The following TMEM163 variants were observed in gnomAD, a reference collection of about 807,000 sequenced individuals.
TMEM163 encodes transmembrane protein 163.
In TMEM163, 17 loss-of-function variants were observed where a neutral mutation model predicts 29.3. That is an observed-to-expected ratio of 0.58 (90% CI 0.40 to 0.87). The LOEUF (loss-of-function observed/expected upper bound fraction) is 0.87, where lower values mean the gene tolerates loss of function less well. Ranked by LOEUF, TMEM163 falls within the 40% of genes least tolerant of loss-of-function variation. TMEM163 has a pLI of 0.00. For synonymous variants in TMEM163, 157 were observed against 160.6 expected (o/e 0.98, Z 0.17); for missense variants, 303 against 381.5 (o/e 0.79, Z 1.71).
At chr2:134,647,251 ACAT>A (rs1683354239) in intron 2 of TMEM163, among the ~76,000 whole-genome samples, 1 of 152,240 alleles carries the variant, frequency 6.6e-6, no homozygotes, top group Non-Finnish European at 1.5e-5. Context: ...CATTTAGTAA[ACAT>A]TAAAAAGAAA....
At chr2:134,581,182 C>T (rs747994788) in intron 2 of TMEM163, among the ~76,000 whole-genome samples, 19 of 152,268 alleles carry the variant, frequency 1.2e-4, no homozygotes, top group Admixed American at 3.9e-4. Flanking sequence ...ACATTTGCTT[C>T]CTGAGGCACC....
intron 5 of TMEM163, among the ~76,000 whole-genome samples, chr2:134,483,397 A>G (rs1189516147): frequency 6.6e-6 from 1 of 152,162 alleles, no homozygotes. Flanking sequence ...CAATGACAGA[A>G]GTAGGACCTC....
At chr2:134,671,318 G>A (rs965788154) in intron 2 of TMEM163, among the ~76,000 whole-genome samples, 1 of 152,102 alleles carries the variant, frequency 6.6e-6, no homozygotes, top group African/African-American at 2.4e-5. Flanking sequence ...CCTGCAGCAA[G>A]GAGACCCACC....
At chr2:134,560,901 CAAG>C (rs1681157355) in intron 2 of TMEM163, among the ~76,000 whole-genome samples, 1 of 152,178 alleles carries the variant, frequency 6.6e-6, no homozygotes, top group Non-Finnish European at 1.5e-5. Context: ...ACCTGGGTTT[CAAG>C]AAGCTCTCAG....
chr2:134,587,400 G>T (rs896495397), intron 2 of TMEM163, among the ~76,000 whole-genome samples: 17 of 152,096 alleles, frequency 1.1e-4, no homozygotes, highest in African/African-American at 4.1e-4. Flanking sequence ...GACAGAGCGG[G>T]ACTCTGTCAA....
intron 2 of TMEM163, among the ~76,000 whole-genome samples, chr2:134,620,428 T>C (rs1026039114): frequency 3.3e-5 from 5 of 152,100 alleles, no homozygotes; most frequent in African/African-American, 4.8e-5. Flanking sequence ...GCTAATTTTG[T>C]ATTTTTTTAG....
chr2:134,534,466 C>T (rs1680485835), intron 4 of TMEM163, among the ~76,000 whole-genome samples: 1 of 152,116 alleles, frequency 6.6e-6, no homozygotes, highest in Non-Finnish European at 1.5e-5. Context: ...TATAAATCAA[C>T]CTTGGCCAGG....
intron 6 of TMEM163, among the ~76,000 whole-genome samples, chr2:134,465,504 G>A (rs1234598917): frequency 6.6e-6 from 1 of 152,162 alleles, no homozygotes; most frequent in Non-Finnish European, 1.5e-5. Flanking sequence ...AGTGATATCA[G>A]CGAGTCTGGG....
chr2:134,539,392 G>A (rs774008563), intron 4 of TMEM163, among the ~76,000 whole-genome samples: 3 of 152,210 alleles, frequency 2.0e-5, no homozygotes, highest in Non-Finnish European at 4.4e-5. Flanking sequence ...TCCTTCATAA[G>A]GGAGGTAAAC....
intron 2 of TMEM163, among the ~76,000 whole-genome samples, chr2:134,684,800 G>A (rs1684319263): frequency 6.6e-6 from 1 of 151,922 alleles, no homozygotes; most frequent in Admixed American, 6.6e-5. Flanking sequence ...GTGGGCACCT[G>A]TAGTCCCAGC....
intron 2 of TMEM163, among the ~76,000 whole-genome samples, chr2:134,668,470 T>C (rs757340367): frequency 2.6e-5 from 4 of 152,142 alleles, no homozygotes; most frequent in Non-Finnish European, 5.9e-5. Context: ...TCCTCACTTT[T>C]AGGGGTCTTT....
chr2:134,703,935 T>C (rs766564405), intron 2 of TMEM163, among the ~76,000 whole-genome samples: 2 of 152,206 alleles, frequency 1.3e-5, no homozygotes, highest in African/African-American at 2.4e-5. Flanking sequence ...TCCTTTTTTA[T>C]TTTCTACTCA....
At chr2:134,666,174 A>C (rs1017716892) in intron 2 of TMEM163, among the ~76,000 whole-genome samples, 1 of 151,908 alleles carries the variant, frequency 6.6e-6, no homozygotes, top group Non-Finnish European at 1.5e-5. Flanking sequence ...AATCCCACCC[A>C]CCACCACCTT....
intron 2 of TMEM163, among the ~76,000 whole-genome samples, chr2:134,625,929 A>C (rs78976880): frequency 0.043 from 6,498 of 152,106 alleles, 472 homozygotes; most frequent in African/African-American, 0.14. Flanking sequence ...CAGGTTTCCC[A>C]TTGCTGCTAT....
chr2:134,543,126 C>T (rs2106504246), intron 4 of TMEM163, among the ~76,000 whole-genome samples: 1 of 152,268 alleles, frequency 6.6e-6, no homozygotes, highest in East Asian at 1.9e-4. Context: ...TAGCCCATAA[C>T]AGGAACCAAG....
chr2:134,594,515 TGTCACTGTGCCCTCTCACACACACA>T (rs1203234049), intron 2 of TMEM163, among the ~76,000 whole-genome samples: 1 of 152,184 alleles, frequency 6.6e-6, no homozygotes, highest in Non-Finnish European at 1.5e-5. Flanking sequence ...ATATGCTGCC[TGTCACTGTGCCCTCTCACACACACA>T]GCGGGATAAA....
At chr2:134,486,233 G>T (rs1278372997) in intron 5 of TMEM163, among the ~76,000 whole-genome samples, 1 of 152,086 alleles carries the variant, frequency 6.6e-6, no homozygotes, top group Non-Finnish European at 1.5e-5. Flanking sequence ...AGAATTAAGT[G>T]CCAACTGCTA....
intron 5 of TMEM163, among the ~76,000 whole-genome samples, chr2:134,479,589 G>C: frequency 6.6e-6 from 1 of 152,182 alleles, no homozygotes; most frequent in East Asian, 1.9e-4. Context: ...CCACAGATAA[G>C]GGCGAGCATC....
chr2:134,674,259 G>A (rs1047558312), intron 2 of TMEM163, among the ~76,000 whole-genome samples: 3 of 151,598 alleles, frequency 2.0e-5, no homozygotes, highest in African/African-American at 7.3e-5. Context: ...ACAGGTATCA[G>A]CCCAGCTTTA....
Sources: allele counts gnomAD v4.1 joint callset (sites outside exome capture counted in the v4.1 genomes callset), GRCh38; gene constraint gnomAD v4.1.1; transcripts MANE v1.5; gene names NCBI Gene and HGNC (gene_info 2026-07-23, HGNC 2026-07-21).